The following HS3ST3B1 variants were observed in gnomAD, a reference collection of about 807,000 sequenced individuals.
The protein encoded by HS3ST3B1 is heparan sulfate glucosamine 3-O-sulfotransferase 3B1.
In HS3ST3B1, 13 loss-of-function variants were observed where a neutral mutation model predicts 21.3. The observed-to-expected ratio is 0.61, with a 90% CI of 0.40 to 0.97. The LOEUF (loss-of-function observed/expected upper bound fraction) is 0.97. Ranked by LOEUF, HS3ST3B1 falls within the 50% of genes least tolerant of loss-of-function variation. HS3ST3B1 has a pLI of 0.00. For synonymous variants in HS3ST3B1, 234 were observed against 254.8 expected (o/e 0.92, Z 0.78); for missense variants, 459 against 554.8 (o/e 0.83, Z 1.73).
intron 1 of HS3ST3B1, chr17:14,304,216 C>G (rs1909052128): frequency 6.6e-6 from 1 of 152,162 alleles, no homozygotes; most frequent in Non-Finnish European, 1.5e-5. Flanking sequence ...GGTTCTTCGT[C>G]CTCCCGAGCC....
intron 1 of HS3ST3B1, among the ~76,000 whole-genome samples, chr17:14,336,072 A>G (rs971920850): frequency 6.6e-6 from 1 of 152,204 alleles, no homozygotes; most frequent in Non-Finnish European, 1.5e-5. Flanking sequence ...CTAACGGGCC[A>G]GGAGAAGTGG....
At chr17:14,307,262 G>A (rs1395601663) in intron 1 of HS3ST3B1, among the ~76,000 whole-genome samples, 1 of 152,074 alleles carries the variant, frequency 6.6e-6, no homozygotes, top group Non-Finnish European at 1.5e-5. Flanking sequence ...ACTAGATTAT[G>A]TTTTTTAATG....
chr17:14,338,415 C>T (rs1464971610), intron 1 of HS3ST3B1, among the ~76,000 whole-genome samples: 1 of 151,598 alleles, frequency 6.6e-6, no homozygotes, highest in Non-Finnish European at 1.5e-5. Context: ...TGAGCCAACA[C>T]GCCCAGCCCA....
At chr17:14,322,049 C>CA in intron 1 of HS3ST3B1, among the ~76,000 whole-genome samples, 1 of 149,612 alleles carries the variant, frequency 6.7e-6, no homozygotes, top group East Asian at 2.0e-4. Context: ...CCTATAATTC[C>CA]AAAAAATTAA....
At chr17:14,332,414 G>C (rs1910042883) in intron 1 of HS3ST3B1, among the ~76,000 whole-genome samples, 1 of 151,442 alleles carries the variant, frequency 6.6e-6, no homozygotes, top group Non-Finnish European at 1.5e-5. Flanking sequence ...ACCTGCCAGC[G>C]TCTTCCACCT....
chr17:14,329,288 G>GGAAAGAAAGAAA (rs1473711113), intron 1 of HS3ST3B1: 2 of 125,832 alleles, frequency 1.6e-5, no homozygotes, highest in African/African-American at 5.8e-5. Flanking sequence ...TGTGCCATGA[G>GGAAAGAAAGAAA]GAAATAAAGA....
At chr17:14,341,213 C>T (rs1910370549) in intron 1 of HS3ST3B1, among the ~76,000 whole-genome samples, 2 of 152,208 alleles carry the variant, frequency 1.3e-5, no homozygotes, top group South Asian at 2.1e-4. Context: ...CTGACAAGCC[C>T]TTCTCTAGGG....
At chr17:14,310,861 A>T (rs376883548) in intron 1 of HS3ST3B1, among the ~76,000 whole-genome samples, 11 of 152,266 alleles carry the variant, frequency 7.2e-5, no homozygotes, top group African/African-American at 2.6e-4. Context: ...TACACAAAGC[A>T]GTAAACATCC....
chr17:14,305,515 C>T (rs1315379778), intron 1 of HS3ST3B1: 1 of 152,066 alleles, frequency 6.6e-6, no homozygotes, highest in African/African-American at 2.4e-5. Context: ...TAAAGTTTCT[C>T]TTTGTGATTT....
chr17:14,313,102 G>GTGTGTATATATATACATATATATA lies in HS3ST3B1; in HGVS notation c.554+11035_554+11036insATATATATACATATATATATGTGT, dbSNP rs763647286. Among the ~76,000 whole-genome samples the GTGTGTATATATATACATATATATA allele has an allele frequency of 2.7e-3, 261 of 95,184 alleles. 9 individuals are homozygous for GTGTGTATATATATACATATATATA. Among genetic ancestry groups the GTGTGTATATATATACATATATATA allele is most frequent in the Non-Finnish European group, 3.9e-3 (195 of 50,490 alleles). 62.4% of individuals were successfully genotyped at this position (95,184 alleles called of 152,430 possible). A position where few individuals can be genotyped will look rare whatever the true frequency, so the allele number is the denominator to read the frequency against. On this transcript the variant is annotated intron_variant, in intron 1 of 1. Transcript: ENST00000360954. The stretch of plus-strand genomic sequence containing the variant: ...TTGTGTGTGTGTGTGTGGTGTGTGT[G>GTGTGTATATATATACATATATATA]TGTGTGTATATATATATATATGTGT...
At chr17:14,321,937 T>C (rs1045089545) in intron 1 of HS3ST3B1, among the ~76,000 whole-genome samples, 2 of 151,948 alleles carry the variant, frequency 1.3e-5, no homozygotes, top group Non-Finnish European at 1.5e-5. Flanking sequence ...TATATATATA[T>C]ACACACATCA....
intron 1 of HS3ST3B1, among the ~76,000 whole-genome samples, chr17:14,314,186 T>C (rs1162769255): frequency 6.6e-6 from 1 of 151,698 alleles, no homozygotes; most frequent in African/African-American, 2.4e-5. Context: ...TCCATGTTGG[T>C]CAGGCTGGTC....
intron 1 of HS3ST3B1, among the ~76,000 whole-genome samples, chr17:14,320,765 A>G (rs1223485925): frequency 1.3e-5 from 2 of 152,314 alleles, no homozygotes; most frequent in East Asian, 1.9e-4. Flanking sequence ...AGTTGAAGCC[A>G]TGTAATTAGA....
At position 14,340,587 on chromosome 17, in the gene HS3ST3B1, C is replaced by CT. The variant is rs201259383; in HGVS notation, c.555-4433dup. Among the ~76,000 whole-genome samples the CT allele has an allele frequency of 4.5e-4, 68 of 152,104 alleles. 2 individuals are homozygous for CT. The East Asian group carries it at 0.011, about 26-fold the overall frequency. On this transcript the variant is annotated intron_variant, in intron 1 of 1. Coordinates refer to ENST00000360954, the MANE Select transcript of HS3ST3B1 (RefSeq NM_006041.3). Reference sequence around the variant, plus strand: ...AACAAGCGTGATTAATTACTCTTTTCTTTTTTTTCTTTTGAGACAGAGTCT... The same window carrying CT: ...AACAAGCGTGATTAATTACTCTTTTCTTTTTTTTTCTTTTGAGACAGAGTCT...
intron 1 of HS3ST3B1, among the ~76,000 whole-genome samples, chr17:14,327,126 A>G (rs1191311021): frequency 2.0e-5 from 3 of 152,038 alleles, no homozygotes; most frequent in African/African-American, 7.2e-5. Flanking sequence ...CACTGGCCAT[A>G]TCACTGACTC....
chr17:14,323,267 C>T (rs900264137), intron 1 of HS3ST3B1, among the ~76,000 whole-genome samples: 1 of 152,186 alleles, frequency 6.6e-6, no homozygotes, highest in Non-Finnish European at 1.5e-5. Context: ...CTCGGATTCT[C>T]CACAACTCAT....
intron 1 of HS3ST3B1, among the ~76,000 whole-genome samples, chr17:14,312,498 T>C (rs1402678383): frequency 2.0e-5 from 3 of 152,122 alleles, no homozygotes; most frequent in African/African-American, 4.8e-5. Flanking sequence ...CTGTCCCTAT[T>C]CTCTTTCACT....
intron 1 of HS3ST3B1, among the ~76,000 whole-genome samples, chr17:14,309,739 T>C (rs1258733248): frequency 1.3e-5 from 2 of 152,198 alleles, no homozygotes; most frequent in Non-Finnish European, 2.9e-5. Flanking sequence ...TTCTCCTGTT[T>C]TCTGGAGCGG....
In HS3ST3B1 at chr17:14,303,156, G is replaced by A. The variant is rs1380141484; in HGVS notation, c.554+1084G>A. On this transcript the variant is annotated intron_variant, in intron 1 of 1. Coordinates refer to ENST00000360954, the MANE Select transcript of HS3ST3B1 (RefSeq NM_006041.3). This position sits in a 1 kb window ranked among gnomAD's most constrained non-coding sequence, Gnocchi z 5.7. ...CTCCGATAACTGTCTTCGACTAGGG[G>A]CCCAGGTAACGACCCCCACATTTTC... Among the ~76,000 whole-genome samples, 1 of 152,080 alleles carries A rather than the reference G, an allele frequency of 6.6e-6. No homozygotes were observed. The highest frequency in any genetic ancestry group is 2.4e-5 in the African/African-American group (1 of 41,404).
Sources: allele counts gnomAD v4.1 joint callset (sites outside exome capture counted in the v4.1 genomes callset), GRCh38; gene constraint gnomAD v4.1.1; non-coding constraint Gnocchi (gnomAD v3.1); transcripts MANE v1.5; gene names NCBI Gene and HGNC (gene_info 2026-07-23, HGNC 2026-07-21).